SNTB2: variants seen among roughly 807,000 people sequenced by gnomAD.
SNTB2 encodes the protein beta-2-syntrophin.
Under a neutral mutation model 46.2 loss-of-function variants are expected in SNTB2, and 34 were observed. The ratio of observed to expected loss-of-function variants is 0.74; its 90% CI spans 0.56 to 0.98. The LOEUF (loss-of-function observed/expected upper bound fraction) is 0.98. SNTB2 is among the 50% of genes least tolerant of loss of function. The probability of loss-of-function intolerance (pLI) is 0.00; values close to 1 mark genes in which losing one functional copy is unlikely to be tolerated. For missense variants in SNTB2, 603 were observed against 731.4 expected (o/e 0.82, Z 2.02); for synonymous variants, 290 against 312.6 (o/e 0.93, Z 0.76).
At chr16:69,227,718 G>T (rs1433895793) in intron 1 of SNTB2, among the ~76,000 whole-genome samples, 1 of 152,196 alleles carries the variant, frequency 6.6e-6, no homozygotes, top group African/African-American at 2.4e-5. Flanking sequence ...GTGACATATG[G>T]CGGATGCCAT....
rs1218324055 is a variant in SNTB2, at chr16:69,299,851, C to T, written c.1530+77C>T. ...CTCATTACTTCTTACCCCTTATATA[C>T]AAAGTCATGGACTGACATTCCATTT... On this transcript the variant is annotated intron_variant, in intron 6 of 6. Coordinates refer to ENST00000336278, the MANE Select transcript of SNTB2 (RefSeq NM_006750.4). 21 of 1,430,156 alleles carry T rather than the reference C, an allele frequency of 1.5e-5. No individual in the cohort carries two copies. The South Asian group carries it at 2.1e-4, about 14-fold the overall frequency. 88.6% of individuals were successfully genotyped at this position (1,430,156 alleles called of 1,614,324 possible).
chr16:69,234,516 G>A (rs1374862968), intron 1 of SNTB2, among the ~76,000 whole-genome samples: 1 of 152,072 alleles, frequency 6.6e-6, no homozygotes, highest in African/African-American at 2.4e-5. Context: ...AAAATACAGT[G>A]TAATTAGGAA....
Position 69,255,358 on chromosome 16 carries a change from C to A in SNTB2, c.795-4692C>A, listed in dbSNP as rs1044487570. 2.0e-5 allele frequency among the ~76,000 whole-genome samples: 3 copies of A among 151,858 alleles called. No homozygotes were observed. In the South Asian group the frequency reaches 6.2e-4, roughly 32 times the overall value. ...TGGGCGGATCACGAGGTCAGGAGAT[C>A]GAAACCATCTGGCTAACATGGTGAA... is the stretch of plus-strand genomic sequence containing the variant. On this transcript the variant is annotated intron_variant, in intron 2 of 6. Transcript: ENST00000336278.
At chr16:69,296,859 T>G (rs750666976) in intron 5 of SNTB2, among the ~76,000 whole-genome samples, 14 of 150,800 alleles carry the variant, frequency 9.3e-5, no homozygotes, top group South Asian at 2.1e-4. Context: ...ACTACAAGAA[T>G]TACCTGAGTG....
chr16:69,243,669 A>G (rs75121713), intron 1 of SNTB2, among the ~76,000 whole-genome samples: 1,573 of 152,304 alleles, frequency 0.01, 24 homozygotes, highest in African/African-American at 0.035. Flanking sequence ...AACCTTAGGA[A>G]TTTCTGCCAA....
intron 1 of SNTB2, among the ~76,000 whole-genome samples, chr16:69,220,096 C>T (rs1300517420): frequency 6.6e-6 from 1 of 150,914 alleles, no homozygotes; most frequent in Non-Finnish European, 1.5e-5. Context: ...TTACTTAAGC[C>T]TCTTGATGGT....
rs1489651445 is a variant in SNTB2, at chr16:69,260,216, G to C, written c.961G>C (p.Gly321Arg). 6 of 1,614,196 alleles carry C rather than the reference G, an allele frequency of 3.7e-6. No homozygotes were observed. In the East Asian group the frequency reaches 1.3e-4, roughly 36 times the overall value. The change falls in exon 3 of 7, where the codon GGA becomes CGA. Residue 321 changes from glycine to arginine, a missense_variant. By Grantham distance (125) the Gly-to-Arg change is moderately radical. Coordinates refer to ENST00000336278, the MANE Select transcript of SNTB2 (RefSeq NM_006750.4). ...NAMLGATSTA[G>R]GSKEVKHIAW... ...CATGCTTGGGGCAACCAGTACAGCAGGAGGCAGTAAAGAGGTGAAGCATAT... is the reference window on the plus strand; with the variant it reads ...CATGCTTGGGGCAACCAGTACAGCACGAGGCAGTAAAGAGGTGAAGCATAT...
chr16:69,263,867 A>AT (rs910168572), intron 3 of SNTB2, among the ~76,000 whole-genome samples: 296 of 145,164 alleles, frequency 2.0e-3, no homozygotes, highest in African/African-American at 3.4e-3. Context: ...AATAAATGTA[A>AT]TTTTTTTTTT....
intron 4 of SNTB2, among the ~76,000 whole-genome samples, chr16:69,276,440 TTC>T (rs1294070271): frequency 6.6e-6 from 1 of 152,220 alleles, no homozygotes; most frequent in Non-Finnish European, 1.5e-5. Flanking sequence ...TAGGAAAAAA[TTC>T]TCTTAGACTT....
intron 1 of SNTB2, among the ~76,000 whole-genome samples, chr16:69,241,081 A>T (rs1021237786): frequency 6.7e-6 from 1 of 148,260 alleles, no homozygotes; most frequent in African/African-American, 2.5e-5. Context: ...GCTGGTCTTG[A>T]ACTCCTGACC....
At chr16:69,268,073 T>C (rs1268030777) in intron 3 of SNTB2, among the ~76,000 whole-genome samples, 1 of 152,192 alleles carries the variant, frequency 6.6e-6, no homozygotes, top group Non-Finnish European at 1.5e-5. Flanking sequence ...TATGGATAAA[T>C]AGTAGTTGTT....
intron 1 of SNTB2, 25 bp from the exon 2 acceptor site, chr16:69,245,577 T>C (rs774288050): frequency 6.2e-6 from 10 of 1,607,422 alleles, no homozygotes; most frequent in African/African-American, 2.7e-5. Flanking sequence ...TTACTAACCT[T>C]CTTCTTTGAT....
intron 3 of SNTB2, among the ~76,000 whole-genome samples, chr16:69,269,120 G>A (rs369487003): frequency 1.3e-5 from 2 of 149,416 alleles, no homozygotes; most frequent in East Asian, 4.0e-4. Flanking sequence ...AGTAAGCCGA[G>A]ATCGCACCAT....
At chr16:69,292,364 ATATAT>A (rs1567416260) in intron 5 of SNTB2, among the ~76,000 whole-genome samples, 1 of 34,802 alleles carries the variant, frequency 2.9e-5, no homozygotes, top group Non-Finnish European at 5.3e-5. Context: ...TTATATATAT[ATATAT>A]ATATATATAT....
intron 1 of SNTB2, among the ~76,000 whole-genome samples, chr16:69,227,980 C>T (rs1342617245): frequency 6.6e-6 from 1 of 151,766 alleles, no homozygotes; most frequent in Non-Finnish European, 1.5e-5. Flanking sequence ...CTCTCAGCCT[C>T]CTGAGTAGCT....
chr16:69,267,990 G>A (rs1964902265), intron 3 of SNTB2, among the ~76,000 whole-genome samples: 1 of 152,212 alleles, frequency 6.6e-6, no homozygotes, highest in East Asian at 1.9e-4. Context: ...CTCCTGAGGA[G>A]GGAAAAGTTT....
At chr16:69,258,623 TTTTTTTG>T (rs1162955589) in intron 2 of SNTB2, among the ~76,000 whole-genome samples, 1 of 145,974 alleles carries the variant, frequency 6.9e-6, no homozygotes, top group African/African-American at 2.5e-5. Context: ...TTTTTTTTTT[TTTTTTTG>T]AGAGGGAGTC....
At chr16:69,222,545 A>G (rs751228242) in intron 1 of SNTB2, among the ~76,000 whole-genome samples, 57 of 151,538 alleles carry the variant, frequency 3.8e-4, no homozygotes, top group East Asian at 1.4e-3. Context: ...GTAAGCTGAG[A>G]TCATGCCACT....
At chr16:69,228,285 C>T (rs928631155) in intron 1 of SNTB2, among the ~76,000 whole-genome samples, 2 of 151,866 alleles carry the variant, frequency 1.3e-5, no homozygotes, top group African/African-American at 4.8e-5. Context: ...GAGTGTGGGT[C>T]ACCTGAGGTC....
Sources: allele counts gnomAD v4.1 joint callset (sites outside exome capture counted in the v4.1 genomes callset), GRCh38; gene constraint gnomAD v4.1.1; transcripts MANE v1.5; gene names NCBI Gene and HGNC (gene_info 2026-07-23, HGNC 2026-07-21).